HS3ST4: variants seen among roughly 807,000 people sequenced by gnomAD.
HS3ST4 encodes heparan sulfate-glucosamine 3-sulfotransferase 4.
Under a neutral mutation model 29.2 loss-of-function variants are expected in HS3ST4, and 17 were observed. The ratio of observed to expected loss-of-function variants is 0.58; its 90% CI spans 0.40 to 0.87. HS3ST4 has a LOEUF of 0.87. Ranked by LOEUF, HS3ST4 falls within the 40% of genes least tolerant of loss-of-function variation. The pLI is 0.00. For synonymous variants in HS3ST4, 314 were observed against 285.7 expected, an observed-to-expected ratio of 1.10 and a Z score of -1.00; for missense variants, 627 against 634.5, an observed-to-expected ratio of 0.99 and a Z score of 0.13.
rs565269295 is a variant in HS3ST4, at chr16:25,833,101, A to G, written c.734+139950A>G. On this transcript the variant is annotated intron_variant, in intron 1 of 1. Coordinates refer to ENST00000331351, the MANE Select transcript of HS3ST4 (RefSeq NM_006040.3). ...AGATTTGGTCCACTAAACCTAGCTAATTTCCCCTGGAAAAAAAAATAGACT... is the reference window on the plus strand; with the variant it reads ...AGATTTGGTCCACTAAACCTAGCTAGTTTCCCCTGGAAAAAAAAATAGACT... 4.6e-5 allele frequency among the ~76,000 whole-genome samples: 7 copies of G among 152,264 alleles called. 1 individual carries two copies. Among genetic ancestry groups the G allele is most frequent in the Admixed American group, 4.6e-4 (7 of 15,282 alleles).
chr16:26,030,043 G>A (rs902176489), intron 1 of HS3ST4, among the ~76,000 whole-genome samples: 3 of 152,178 alleles, frequency 2.0e-5, no homozygotes, highest in African/African-American at 4.8e-5. Flanking sequence ...TGAGTGCACC[G>A]CATGGCAGCA....
rs542897337 is a variant in HS3ST4 at position 25,897,729 on chromosome 16, C to T, written c.734+204578C>T. ...CTCTCCCCCTCGTTCTGCCGTTCTG[C>T]CTGGGGGAGGTGCTGGATTGTGTTC... On this transcript the variant is annotated intron_variant, in intron 1 of 1. Transcript: ENST00000331351. Among the ~76,000 whole-genome samples, 28 of 152,194 alleles carry T rather than the reference C, an allele frequency of 1.8e-4. No individual in the cohort carries two copies. In the East Asian group the frequency reaches 4.5e-3, roughly 24 times the overall value.
At chr16:25,809,860 G>T (rs982163627) in intron 1 of HS3ST4, among the ~76,000 whole-genome samples, 1 of 151,912 alleles carries the variant, frequency 6.6e-6, no homozygotes, top group Non-Finnish European at 1.5e-5. Flanking sequence ...TCTTATTGGT[G>T]ACTTGTGTCT....
chr16:25,898,254 TTAGTAG>T (rs1333570127), intron 1 of HS3ST4, among the ~76,000 whole-genome samples: 1 of 152,262 alleles, frequency 6.6e-6, no homozygotes, highest in Admixed American at 6.5e-5. Flanking sequence ...GAAAATGACT[TTAGTAG>T]TGCTAATGGC....
chr16:25,748,452 C>T (rs1454056238), intron 1 of HS3ST4, among the ~76,000 whole-genome samples: 1 of 152,166 alleles, frequency 6.6e-6, no homozygotes, highest in African/African-American at 2.4e-5. Flanking sequence ...ACCTTCCCAC[C>T]CCCACACCTG....
chr16:26,086,618 G>A (rs1898792429), intron 1 of HS3ST4, among the ~76,000 whole-genome samples: 1 of 152,088 alleles, frequency 6.6e-6, no homozygotes, highest in Admixed American at 6.6e-5. Context: ...CAAAGTGCTG[G>A]GATTACAGGC....
intron 1 of HS3ST4, among the ~76,000 whole-genome samples, chr16:25,926,547 A>G (rs760821302): frequency 8.5e-5 from 13 of 152,216 alleles, no homozygotes; most frequent in Non-Finnish European, 1.3e-4. Context: ...AAAATAGCAT[A>G]GCTAACTTTT....
chr16:26,051,884 C>G (rs1268023483), intron 1 of HS3ST4, among the ~76,000 whole-genome samples: 1 of 82,192 alleles, frequency 1.2e-5, no homozygotes, highest in Non-Finnish European at 2.1e-5. Flanking sequence ...CTCCCTGCCT[C>G]CCTCCCTCCC....
chr16:25,854,866 A>G (rs8058095), intron 1 of HS3ST4, among the ~76,000 whole-genome samples: 149,315 of 152,114 alleles, frequency 0.98, 73,292 homozygotes, highest in East Asian at 1. Flanking sequence ...GAAAGTTTAC[A>G]AATTTGTGTT....
At chr16:25,758,444 C>A (rs965027327) in intron 1 of HS3ST4, among the ~76,000 whole-genome samples, 11 of 152,164 alleles carry the variant, frequency 7.2e-5, no homozygotes, top group African/African-American at 2.7e-4. Flanking sequence ...CTTATGTCAT[C>A]GAACCAAGTC....
intron 1 of HS3ST4, among the ~76,000 whole-genome samples, chr16:26,079,190 C>T (rs1898698812): frequency 6.6e-6 from 1 of 152,142 alleles, no homozygotes; most frequent in Non-Finnish European, 1.5e-5. Flanking sequence ...CCTGGGATGC[C>T]CGAGACATAA....
Position 25,998,950 on chromosome 16 carries a change from G to A in HS3ST4, c.735-136662G>A, listed in dbSNP as rs1969179924. ...CATAAGCATTTTCTGTTCCTGAAAG[G>A]TTTGATAGAATTCACTTCTGAAGCT... On this transcript the variant is annotated intron_variant, in intron 1 of 1. Transcript: ENST00000331351. Among the ~76,000 whole-genome samples, 4 of 152,196 alleles carry A rather than the reference G, an allele frequency of 2.6e-5. No homozygotes were observed. The South Asian group carries it at 6.2e-4, about 24-fold the overall frequency.
At chr16:25,959,058 G>T (rs2141700881) in intron 1 of HS3ST4, among the ~76,000 whole-genome samples, 1 of 152,326 alleles carries the variant, frequency 6.6e-6, no homozygotes, top group South Asian at 2.1e-4. Context: ...ATGAGGAGTT[G>T]GGAGTGAATC....
chr16:25,787,157 T>C (rs1195014415), intron 1 of HS3ST4, among the ~76,000 whole-genome samples: 1 of 152,238 alleles, frequency 6.6e-6, no homozygotes, highest in African/African-American at 2.4e-5. Context: ...ATATATAATA[T>C]AGTTTCACTA....
At chr16:25,703,989 A>G (rs865950536) in intron 1 of HS3ST4, among the ~76,000 whole-genome samples, 24 of 152,352 alleles carry the variant, frequency 1.6e-4, no homozygotes, top group Middle Eastern at 3.4e-3. Flanking sequence ...CCTCACTAGA[A>G]GGTAAACTGC....
intron 1 of HS3ST4, among the ~76,000 whole-genome samples, chr16:25,822,767 T>C (rs1049033331): frequency 6.6e-6 from 1 of 152,016 alleles, no homozygotes; most frequent in Non-Finnish European, 1.5e-5. Flanking sequence ...AGACAGGGTC[T>C]TTCTCTGTCA....
chr16:25,859,584 C>CT lies in HS3ST4; in HGVS notation c.734+166434dup, dbSNP rs113143453. 3.3e-3 allele frequency among the ~76,000 whole-genome samples: 503 copies of CT among 152,310 alleles called. 1 individual carries two copies. Among genetic ancestry groups the CT allele is most frequent in the African/African-American group, 0.011 (471 of 41,570 alleles). ...GTGCTGAGAATATCTGCCCTCATGGCTGCCCGTAGTATTTTGAGCATCCTG... is the reference window on the plus strand; with the variant it reads ...GTGCTGAGAATATCTGCCCTCATGGCTTGCCCGTAGTATTTTGAGCATCCTG... On this transcript the variant is annotated intron_variant, in intron 1 of 1. Coordinates refer to ENST00000331351, the MANE Select transcript of HS3ST4 (RefSeq NM_006040.3).
At chr16:25,777,144 T>C (rs943414646) in intron 1 of HS3ST4, among the ~76,000 whole-genome samples, 5 of 152,206 alleles carry the variant, frequency 3.3e-5, no homozygotes, top group African/African-American at 1.2e-4. Flanking sequence ...GGGTTCTCTC[T>C]TGACTCACGC....
intron 1 of HS3ST4, among the ~76,000 whole-genome samples, chr16:26,121,196 C>A (rs1242202401): frequency 6.6e-6 from 1 of 152,176 alleles, no homozygotes; most frequent in Non-Finnish European, 1.5e-5. Flanking sequence ...GGACAGACAG[C>A]CACTGAGTCA....
Sources: gnomAD v4.1 joint callset for allele counts (sites outside exome capture counted in the v4.1 genomes callset) on GRCh38, gnomAD v4.1.1 for gene constraint, MANE v1.5 for transcripts, NCBI Gene and HGNC (gene_info 2026-07-23, HGNC 2026-07-21) for gene names.